The following KLHL14 variants were observed in gnomAD, a reference collection of about 807,000 sequenced individuals.
KLHL14 encodes the protein kelch like family member 14, also known as kelch-like protein 14.
A neutral mutation model predicts 64.3 loss-of-function variants in KLHL14; 22 were observed. The observed-to-expected ratio is 0.34, with a 90% CI of 0.24 to 0.49. The LOEUF is 0.49. Among genes scored for constraint, KLHL14 ranks in the 20% least tolerant of loss-of-function variants. KLHL14 has a pLI of 0.99. For synonymous variants in KLHL14, 322 were observed against 333.4 expected (o/e 0.97, Z 0.37); for missense variants, 661 against 789.0 (o/e 0.84, Z 1.94).
chr18:32,769,546 A>C, intron 2 of KLHL14, 99 bp downstream of exon 2: 2 of 1,023,036 alleles, frequency 2.0e-6, no homozygotes, highest in Non-Finnish European at 1.3e-6. Flanking sequence ...CCACCCGCCC[A>C]GGCCACCCAT....
chr18:32,711,942 AT>A lies in KLHL14; in HGVS notation c.1070-16391del, dbSNP rs1213773075. Among the ~76,000 whole-genome samples, 6 of 152,318 alleles carry A rather than the reference AT, an allele frequency of 3.9e-5. No individual in the cohort carries two copies. In the East Asian group the frequency reaches 1.2e-3, roughly 29 times the overall value. ...TTACATCGCTATGTGAATAAGCCTCATTTTACATTCATGTTATTGTTGCCTG... is the reference window on the plus strand; with the variant it reads ...TTACATCGCTATGTGAATAAGCCTCATTTACATTCATGTTATTGTTGCCTG... On this transcript the variant is annotated intron_variant, in intron 3 of 8. Transcript: ENST00000359358.
At chr18:32,755,419 C>T (rs1024820541) in intron 2 of KLHL14, among the ~76,000 whole-genome samples, 3 of 152,102 alleles carry the variant, frequency 2.0e-5, no homozygotes, top group South Asian at 2.1e-4. Flanking sequence ...TTCTGTAGTG[C>T]GCTAGGGACC....
chr18:32,746,885 G>C (rs1343159336), intron 2 of KLHL14, among the ~76,000 whole-genome samples: 2 of 152,154 alleles, frequency 1.3e-5, no homozygotes, highest in African/African-American at 4.8e-5. Flanking sequence ...TAGATTTTCA[G>C]TTCTCGACTC....
At position 32,744,821 on chromosome 18, in the gene KLHL14, G is replaced by C. The variant is rs1268261917; in HGVS notation, c.948-2772C>G. The C allele has an allele frequency of 4.6e-5, 7 of 152,174 alleles. No homozygotes were observed. In the East Asian group the frequency reaches 1.4e-3, roughly 29 times the overall value. 9.4% of individuals were successfully genotyped at this position (152,174 alleles called of 1,614,324 possible). On this transcript the variant is annotated intron_variant, in intron 2 of 8. Transcript: ENST00000359358. ...GATAAGGAGAGGATCTAGTGTCTTT[G>C]TTCTCTTGCCCAAATTGCCAGCCAT... is the stretch of plus-strand genomic sequence containing the variant.
chr18:32,755,850 A>G, intron 2 of KLHL14, among the ~76,000 whole-genome samples: 1 of 152,192 alleles, frequency 6.6e-6, no homozygotes, highest in Non-Finnish European at 1.5e-5. Flanking sequence ...TCTGGAATTG[A>G]GGAAAAAGGA....
Position 32,680,724 on chromosome 18 carries a change from A to C in KLHL14, c.1239-125T>G. The C allele has an allele frequency of 1.2e-6, 1 of 852,938 alleles. No individual in the cohort carries two copies. Among genetic ancestry groups the C allele is most frequent in the Non-Finnish European group, 1.8e-6 (1 of 561,364 alleles). 52.8% of individuals were successfully genotyped at this position (852,938 alleles called of 1,614,324 possible). On this transcript the variant is annotated intron_variant, in intron 5 of 8. Coordinates refer to ENST00000359358, the MANE Select transcript of KLHL14 (RefSeq NM_020805.3). The surrounding 1 kb of genome is among the most constrained non-coding windows in gnomAD (Gnocchi z 4.8). Reference sequence around the variant, plus strand: ...CATTCTGCTTCAGAAAGGGTTGCAAATCTTTAAAAATTACACGTATACCTT... The same window carrying C: ...CATTCTGCTTCAGAAAGGGTTGCAACTCTTTAAAAATTACACGTATACCTT...
intron 3 of KLHL14, among the ~76,000 whole-genome samples, chr18:32,717,351 T>A (rs1312461701): frequency 6.6e-6 from 1 of 152,204 alleles, no homozygotes; most frequent in Non-Finnish European, 1.5e-5. Context: ...GTCATTCACA[T>A]ATCCTCATGG....
intron 4 of KLHL14, among the ~76,000 whole-genome samples, chr18:32,692,419 T>C (rs2049912122): frequency 6.6e-6 from 1 of 152,200 alleles, no homozygotes; most frequent in Non-Finnish European, 1.5e-5. Context: ...TTTAAAAGCT[T>C]TCTCCCTGCC....
intron 3 of KLHL14, among the ~76,000 whole-genome samples, chr18:32,729,530 G>GGAAAAA (rs2050125652): frequency 6.6e-6 from 1 of 152,134 alleles, no homozygotes; most frequent in South Asian, 2.1e-4. Flanking sequence ...TAGGAGACAA[G>GGAAAAA]GAAAGTAAGC....
chr18:32,770,103 G>C lies in KLHL14; in HGVS notation c.489C>G (p.Ile163Met), dbSNP rs751020434. The change falls in exon 2 of 9, where the codon ATC (isoleucine) becomes ATG (methionine). Residue 163 changes from isoleucine (I) to methionine (M), a missense_variant. Physicochemically the swap from Ile to Met is conservative, Grantham distance 10 (BLOSUM62 1). Coordinates refer to ENST00000359358, the MANE Select transcript of KLHL14 (RefSeq NM_020805.3). This position sits in a 1 kb window ranked among gnomAD's most constrained non-coding sequence, Gnocchi z 6.7. Reference sequence around the variant, plus strand: ...GCTTGGTGACCTGGGGGATGTGCAGGATCTTGCTGACCGACAGCACCTCCT... The same window carrying C: ...GCTTGGTGACCTGGGGGATGTGCAGCATCTTGCTGACCGACAGCACCTCCT... ...TVEEVLSVSK[I>M]LHIPQVTKLC... is the part of the protein sequence containing the mutation. 2 of 1,614,198 alleles carry C rather than the reference G, an allele frequency of 1.2e-6. No homozygotes were observed. Among genetic ancestry groups the C allele is most frequent in the South Asian group, 1.1e-5 (1 of 91,086 alleles).
intron 3 of KLHL14, among the ~76,000 whole-genome samples, chr18:32,719,434 G>C (rs542521866): frequency 1.3e-5 from 2 of 152,170 alleles, no homozygotes; most frequent in Non-Finnish European, 2.9e-5. Flanking sequence ...TTTATGAATG[G>C]ATACTTCTCT....
intron 5 of KLHL14, among the ~76,000 whole-genome samples, chr18:32,686,012 C>CTT (rs5823856): frequency 1.2e-4 from 17 of 138,534 alleles, no homozygotes; most frequent in Non-Finnish European, 2.0e-4. Context: ...CTTTTTCTTT[C>CTT]TTTTTTTTTT....
At chr18:32,732,909 G>A (rs1373090590) in intron 3 of KLHL14, among the ~76,000 whole-genome samples, 7 of 152,128 alleles carry the variant, frequency 4.6e-5, no homozygotes, top group Non-Finnish European at 8.8e-5. Flanking sequence ...TACTTGGAAG[G>A]CTAATCAGTT....
chr18:32,676,903 T>A (rs1024472420), intron 8 of KLHL14, among the ~76,000 whole-genome samples: 1 of 152,068 alleles, frequency 6.6e-6, no homozygotes, highest in East Asian at 1.9e-4. Flanking sequence ...TCACCTCAGT[T>A]TGACTTTCAG....
chr18:32,699,321 TACA>T (rs1372292828), intron 3 of KLHL14, among the ~76,000 whole-genome samples: 2 of 152,162 alleles, frequency 1.3e-5, no homozygotes, highest in Non-Finnish European at 2.9e-5. Flanking sequence ...GCTTTGAAAA[TACA>T]ACAACACTTG....
chr18:32,721,621 T>G (rs1370024182), intron 3 of KLHL14, among the ~76,000 whole-genome samples: 1 of 152,218 alleles, frequency 6.6e-6, no homozygotes, highest in Non-Finnish European at 1.5e-5. Flanking sequence ...TGATACATTA[T>G]TTTTCAATGG....
chr18:32,726,537 TC>T (rs1437773160), intron 3 of KLHL14, among the ~76,000 whole-genome samples: 10 of 152,046 alleles, frequency 6.6e-5, no homozygotes, highest in African/African-American at 2.4e-4. Flanking sequence ...GGTAGGAGAA[TC>T]ACTTGAACCC....
At chr18:32,734,831 A>C (rs978372447) in intron 3 of KLHL14, among the ~76,000 whole-genome samples, 1 of 152,162 alleles carries the variant, frequency 6.6e-6, no homozygotes, top group African/African-American at 2.4e-5. Flanking sequence ...CACGGTCAAC[A>C]CACATCTTGT....
At chr18:32,722,083 C>A (rs979914684) in intron 3 of KLHL14, among the ~76,000 whole-genome samples, 1 of 152,190 alleles carries the variant, frequency 6.6e-6, no homozygotes, top group East Asian at 1.9e-4. Context: ...CCCCTGCACA[C>A]GCCCTCTTGC....
Sources: gnomAD v4.1 joint callset for allele counts (sites outside exome capture counted in the v4.1 genomes callset) on GRCh38, gnomAD v4.1.1 for gene constraint, Gnocchi (gnomAD v3.1) non-coding constraint, MANE v1.5 for transcripts, NCBI Gene and HGNC (gene_info 2026-07-23, HGNC 2026-07-21) for gene names.